Variants in QRICH2 observed in about 807,000 individuals in gnomAD.
QRICH2 encodes glutamine rich 2, also known as glutamine-rich protein 2.
In QRICH2, 119 loss-of-function variants were observed where a neutral mutation model predicts 168.3. That is an observed-to-expected ratio of 0.71 (90% CI 0.61 to 0.82). QRICH2 has a LOEUF of 0.82. Among genes scored for constraint, QRICH2 ranks in the 40% least tolerant of loss-of-function variants. The pLI, the probability that QRICH2 is intolerant of heterozygous loss-of-function variation, is 0.00. For synonymous variants in QRICH2, 894 were observed against 951.2 expected (o/e 0.94, Z 1.11); for missense variants, 2,241 against 2,491.6 (o/e 0.90, Z 2.14).
At position 76,279,395 on chromosome 17, in the gene QRICH2, A is replaced by C; in HGVS notation, c.4782T>G (p.Cys1594Trp). 1 of 1,613,168 alleles carries C rather than the reference A, an allele frequency of 6.2e-7. No individual in the cohort carries two copies. The highest frequency in any genetic ancestry group is 8.5e-7 in the Non-Finnish European group (1 of 1,179,592). The change falls in exon 13 of 19, where the codon TGT becomes TGG. Residue 1594 changes from cysteine (C) to tryptophan (W), a missense_variant. Coordinates refer to ENST00000680821, the MANE Select transcript of QRICH2 (RefSeq NM_001388453.1). ...QLLAHFHCLS[C>W]DRPLETPVTG... ...TCACAGGTGTCTCCAAGGGCCGGTCACATGAGAGGCAGTGGAAATGTGCCA... is the reference window on the plus strand; with the variant it reads ...TCACAGGTGTCTCCAAGGGCCGGTCCCATGAGAGGCAGTGGAAATGTGCCA...
At chr17:76,302,071 G>A (rs927028578) in intron 3 of QRICH2, among the ~76,000 whole-genome samples, 1 of 152,064 alleles carries the variant, frequency 6.6e-6, no homozygotes, top group African/African-American at 2.4e-5. Flanking sequence ...GCTAATTTTT[G>A]TATTTTTAGT....
At chr17:76,279,278 A>G (rs570856683) in intron 13 of QRICH2, 85 bp downstream of exon 13, 1 of 1,375,100 alleles carries the variant, frequency 7.3e-7, no homozygotes, top group African/African-American at 1.4e-5. Context: ...ACATGAAAGA[A>G]AGGGAGAGGA....
In QRICH2 at chr17:76,280,017, G is replaced by T. The variant is rs2143159378; in HGVS notation, c.4748+16C>A. 6.3e-7 allele frequency: 1 copy of T among 1,591,632 alleles called. No homozygotes were observed. ...GAAGAGCGTGCCAGCCTCCTCCCCTGCCTCCCAGGCCTCACCTCCGCATGG... is the reference window on the plus strand; with the variant it reads ...GAAGAGCGTGCCAGCCTCCTCCCCTTCCTCCCAGGCCTCACCTCCGCATGG... On this transcript the variant is annotated intron_variant, in intron 12 of 18. Coordinates refer to ENST00000680821, the MANE Select transcript of QRICH2 (RefSeq NM_001388453.1). The surrounding 1 kb of genome is among the most constrained non-coding windows in gnomAD (Gnocchi z 7.4).
upstream of QRICH2, chr17:76,308,510 T>C (rs967829559): frequency 8.1e-6 from 8 of 985,150 alleles, no homozygotes; most frequent in Non-Finnish European, 9.6e-6. Context: ...GAGGGTTTCC[T>C]GGCAACCATG....
chr17:76,281,022 T>G lies in QRICH2; in HGVS notation c.4264-69A>C. 2 of 1,564,118 alleles carry G rather than the reference T, an allele frequency of 1.3e-6. No homozygotes were observed. The highest frequency in any genetic ancestry group is 3.6e-5 in the Admixed American group (2 of 55,198). ...GATCCCACCCCCTGCTGCCATAATA[T>G]TGCTGCCCCAGGTAAGTTGGCCCTT... On this transcript the variant is annotated intron_variant, in intron 8 of 18. Transcript: ENST00000680821. The surrounding 1 kb of genome is among the most constrained non-coding windows in gnomAD (Gnocchi z 4.4).
At chr17:76,279,450 C>G (rs376057186) in intron 12 of QRICH2, 22 bp from the exon 13 acceptor site, 1 of 1,596,726 alleles carries the variant, frequency 6.3e-7, no homozygotes, top group Non-Finnish European at 8.5e-7. Flanking sequence ...GGGACGCACA[C>G]GCAGGGTGAG....
Position 76,287,890 on chromosome 17 carries a change from CT to C in QRICH2, c.3805del (p.Arg1269GlyfsTer18). On this transcript the variant is annotated frameshift_variant, in exon 6 of 19. Transcript: ENST00000680821. LOFTEE classifies it high-confidence loss of function. ...EVWQEKAKVE[R>X]LQRILEGEGN... ...TTCCCCTTCCAGGATCCTCTGCAGC[CT>C]TTCCACCTACAAACCCAGTGAATGA... The C allele has an allele frequency of 6.2e-7, 1 of 1,613,922 alleles. No homozygotes were observed. Among genetic ancestry groups the C allele is most frequent in the Non-Finnish European group, 8.5e-7 (1 of 1,179,840 alleles).
chr17:76,277,196 C>A lies in QRICH2; in HGVS notation c.5232G>T (p.Leu1744=). The change falls in exon 16 of 19, where the codon CTG becomes CTT. Residue 1744 remains leucine (L), a synonymous_variant. Coordinates refer to ENST00000680821, the MANE Select transcript of QRICH2 (RefSeq NM_001388453.1). ...RSRPQHLPRG[L]YPTEEIQIAM... ...CAATCTGGATCTCTTCAGTAGGATA[C>A]AGGCCCCGGGGAAGGTGCTGCGGGC... is the stretch of plus-strand genomic sequence containing the variant. 6.2e-7 allele frequency: 1 copy of A among 1,601,898 alleles called. No homozygotes were observed. The highest frequency in any genetic ancestry group is 8.5e-7 in the Non-Finnish European group (1 of 1,176,600).
At position 76,307,910 on chromosome 17, in the gene QRICH2, A is replaced by T; in HGVS notation, c.89T>A (p.Leu30Gln). ...PEVGAVNFTA[L>Q]HTLIVAMLKN... The stretch of plus-strand genomic sequence containing the variant: ...GAGCATGGCCACGATGAGCGTGTGC[A>T]GGGCCGTGAAGTTGACGGCGCCCAC... The change falls in exon 1 of 19, where the codon CTG (leucine) becomes CAG (glutamine). Residue 30 changes from leucine to glutamine, a missense_variant. By Grantham distance (113) the Leu-to-Gln change is moderately radical (BLOSUM62 -2). This residue lies in a region of QRICH2 where 2,047 missense variants were observed against 2,303.8 expected (regional missense o/e 0.89). Transcript: ENST00000680821. This position sits in a 1 kb window ranked among gnomAD's most constrained non-coding sequence, Gnocchi z 5.3. 1 of 1,241,708 alleles carries T rather than the reference A, an allele frequency of 8.1e-7. No homozygotes were observed. Among genetic ancestry groups the T allele is most frequent in the Non-Finnish European group, 1.0e-6 (1 of 993,396 alleles). The allele number at this position is 1,241,708 out of a possible 1,614,324, so 76.9% of individuals were successfully genotyped here. A position where few individuals can be genotyped will look rare whatever the true frequency, so the allele number is the denominator to read the frequency against.
At position 76,294,011 on chromosome 17, in the gene QRICH2, G is replaced by C; in HGVS notation, c.716C>G (p.Thr239Arg). The stretch of plus-strand genomic sequence containing the variant: ...TCCGTGCTTAGAAAATCCCATAAGT[G>C]TTTCTGAGCCCTGGTTGGAGAGGAA... ...GWRASQAGSE[T>R]LMGFSKHGGF... The change falls in exon 4 of 19, where the codon ACA (threonine) becomes AGA (arginine). Residue 239 changes from threonine (T) to arginine (R), a missense_variant. Thr to Arg is a moderately conservative substitution (Grantham distance 71, BLOSUM62 -1). Transcript: ENST00000680821. 6.2e-7 allele frequency: 1 copy of C among 1,601,562 alleles called. No homozygotes were observed. The highest frequency in any genetic ancestry group is 8.5e-7 in the Non-Finnish European group (1 of 1,171,754).
In QRICH2 at chr17:76,295,865, A is replaced by G. The variant is rs933788568; in HGVS notation, c.706-1844T>C. ...AATCCATGAAAAAGAAGAATGAACC[A>G]CTGCCATTTCCAGCCAAGATGAAGT... On this transcript the variant is annotated intron_variant, in intron 3 of 18. Transcript: ENST00000680821. Among the ~76,000 whole-genome samples the G allele has an allele frequency of 2.6e-5, 4 of 152,246 alleles. No homozygotes were observed. The East Asian group carries it at 5.8e-4, about 22-fold the overall frequency.
chr17:76,286,292 G>A (rs1007864402), intron 7 of QRICH2, among the ~76,000 whole-genome samples: 4 of 152,176 alleles, frequency 2.6e-5, no homozygotes, highest in Admixed American at 6.5e-5. Context: ...TGGCATAGAC[G>A]CAGAATGGAA....
At chr17:76,305,040 GACACACACATGCAT>G in intron 1 of QRICH2, 99 bp from the exon 2 acceptor site, 1 of 837,616 alleles carries the variant, frequency 1.2e-6, no homozygotes, top group South Asian at 1.3e-5. Context: ...CTCACACTCA[GACACACACATGCAT>G]ACACGCACAT....
At chr17:76,301,107 C>T (rs1377249960) in intron 3 of QRICH2, among the ~76,000 whole-genome samples, 1 of 151,890 alleles carries the variant, frequency 6.6e-6, no homozygotes, top group Non-Finnish European at 1.5e-5. Context: ...GTCCCAGGTA[C>T]TCAGGAGGCT....
At position 76,292,007 on chromosome 17, in the gene QRICH2, C is replaced by G. The variant is rs73352309; in HGVS notation, c.2720G>C (p.Gly907Ala). Residue 907 changes from glycine (G) to alanine (A), a missense_variant, in exon 4 of 19, where the codon GGT becomes GCT. Gly to Ala is a moderately conservative substitution (Grantham distance 60, BLOSUM62 0). Coordinates refer to ENST00000680821, the MANE Select transcript of QRICH2 (RefSeq NM_001388453.1). Reference protein sequence around the residue: ...DQPGLVQPGAGQLGMVQPGIG... With the variant: ...DQPGLVQPGAAQLGMVQPGIG... ...TCCAGGCTGCACCATACCCAGCTGACCTGCACCAGGCTGGACCAAACCAGG... is the reference window on the plus strand; with the variant it reads ...TCCAGGCTGCACCATACCCAGCTGAGCTGCACCAGGCTGGACCAAACCAGG... 3.1e-6 allele frequency: 5 copies of G among 1,614,026 alleles called. No homozygotes were observed. In the South Asian group the frequency reaches 5.5e-5, roughly 18 times the overall value.
intron 1 of QRICH2, among the ~76,000 whole-genome samples, chr17:76,305,183 A>ATTTTTTTT (rs1567791141): frequency 5.4e-4 from 60 of 110,854 alleles, no homozygotes; most frequent in African/African-American, 2.0e-3. Flanking sequence ...TTTTTTTTTG[A>ATTTTTTTT]GACAGGGTCT....
chr17:76,274,666 T>G (rs1054182329), intron 18 of QRICH2, among the ~76,000 whole-genome samples: 1 of 152,118 alleles, frequency 6.6e-6, no homozygotes, highest in African/African-American at 2.4e-5. Flanking sequence ...GGGAGCTAAG[T>G]ATTCCCAAGA....
chr17:76,283,644 T>G (rs57255798), intron 7 of QRICH2, among the ~76,000 whole-genome samples: 1 of 145,968 alleles, frequency 6.9e-6, no homozygotes, highest in African/African-American at 2.7e-5. Context: ...GAGGCCAAGG[T>G]GGGTGGATCA....
At chr17:76,298,518 A>T (rs902205026) in intron 3 of QRICH2, among the ~76,000 whole-genome samples, 1 of 151,940 alleles carries the variant, frequency 6.6e-6, no homozygotes, top group Non-Finnish European at 1.5e-5. Context: ...ACGGGGTCTT[A>T]ATATGTTGCC....
Sources: gnomAD v4.1 joint callset for allele counts (sites outside exome capture counted in the v4.1 genomes callset) on GRCh38, gnomAD v4.1.1 for gene constraint, gnomAD v4.1.1 regional missense constraint, Gnocchi (gnomAD v3.1) non-coding constraint, MANE v1.5 for transcripts, NCBI Gene and HGNC (gene_info 2026-07-23, HGNC 2026-07-21) for gene names.